KCTD16: variants seen among roughly 807,000 people sequenced by gnomAD.
The protein encoded by KCTD16 is BTB/POZ domain-containing protein KCTD16.
In KCTD16, 13 loss-of-function variants were observed where a neutral mutation model predicts 33.2. That is an observed-to-expected ratio of 0.39 (90% CI 0.25 to 0.62). The LOEUF is 0.62. Among genes scored for constraint, KCTD16 ranks in the 20% least tolerant of loss-of-function variants. The pLI is 0.50. For missense variants in KCTD16, 441 were observed against 525.1 expected, an observed-to-expected ratio of 0.84 and a Z score of 1.57; for synonymous variants, 197 against 195.3, an observed-to-expected ratio of 1.01 and a Z score of -0.07.
chr5:144,394,487 A>G (rs760669725), intron 3 of KCTD16, among the ~76,000 whole-genome samples: 5 of 152,240 alleles, frequency 3.3e-5, no homozygotes, highest in Non-Finnish European at 5.9e-5. Context: ...ACTGGACATG[A>G]CTAATGACCC....
Position 144,480,689 on chromosome 5 carries a change from T to A in KCTD16, c.*6575T>A, listed in dbSNP as rs1754688316. On this transcript the variant is annotated 3_prime_UTR_variant, in exon 4 of 4. Coordinates refer to ENST00000512467, the MANE Select transcript of KCTD16 (RefSeq NM_020768.4). ...CCTGGAGATATTTTTTGTTTCATGATTTGAGGGGTGCTACTGACAATTAAT... is the reference window on the plus strand; with the variant it reads ...CCTGGAGATATTTTTTGTTTCATGAATTGAGGGGTGCTACTGACAATTAAT... 6.6e-6 allele frequency: 1 copy of A among 151,786 alleles called. No individual in the cohort carries two copies. Among genetic ancestry groups the A allele is most frequent in the South Asian group, 2.1e-4 (1 of 4,822 alleles). The allele number at this position is 151,786 out of a possible 1,614,324, so 9.4% of individuals were successfully genotyped here.
At chr5:144,441,676 T>G (rs1190635149) in intron 3 of KCTD16, among the ~76,000 whole-genome samples, 1 of 152,122 alleles carries the variant, frequency 6.6e-6, no homozygotes, top group African/African-American at 2.4e-5. Flanking sequence ...TTGTATTTAT[T>G]TATATGTCTA....
chr5:144,216,844 GAAAAAA>G lies in KCTD16; in HGVS notation c.832+9309_832+9314del, dbSNP rs374252586. ...AGGCCACAGAGGGAGACTCTGTCTG[GAAAAAA>G]AAAAAAAAAAGAAAAAGAGAGAGAG... On this transcript the variant is annotated intron_variant, in intron 3 of 3. Coordinates refer to ENST00000512467, the MANE Select transcript of KCTD16 (RefSeq NM_020768.4). Among the ~76,000 whole-genome samples the G allele has an allele frequency of 6.7e-3, 810 of 121,210 alleles. 4 individuals are homozygous for G. Among genetic ancestry groups the G allele is most frequent in the African/African-American group, 0.015 (479 of 31,786 alleles). The allele number at this position is 121,210 out of a possible 152,430, so 79.5% of individuals were successfully genotyped here.
intron 3 of KCTD16, among the ~76,000 whole-genome samples, chr5:144,267,418 A>C (rs1755174710): frequency 6.6e-6 from 1 of 152,182 alleles, no homozygotes; most frequent in Admixed American, 6.5e-5. Context: ...AGCACTTTAA[A>C]ATGCTGGTTG....
At chr5:144,239,422 TAGGCCCCAGAGACAGTTGCAA>T (rs1754341751) in intron 3 of KCTD16, among the ~76,000 whole-genome samples, 3 of 152,288 alleles carry the variant, frequency 2.0e-5, no homozygotes, top group African/African-American at 7.2e-5. Context: ...CCACATTACA[TAGGCCCCAGAGACAGTTGCAA>T]AGAATCTAAT....
At chr5:144,194,109 G>T (rs578255372) in intron 2 of KCTD16, among the ~76,000 whole-genome samples, 5 of 152,088 alleles carry the variant, frequency 3.3e-5, no homozygotes, top group African/African-American at 1.2e-4. Flanking sequence ...AGTGAAGATG[G>T]TTCACCGAGA....
Position 144,269,508 on chromosome 5 carries a change from G to A in KCTD16, c.832+61962G>A, listed in dbSNP as rs200669422. 2.0e-5 allele frequency among the ~76,000 whole-genome samples: 3 copies of A among 152,076 alleles called. No homozygotes were observed. The East Asian group carries it at 5.8e-4, about 29-fold the overall frequency. On this transcript the variant is annotated intron_variant, in intron 3 of 3. Transcript: ENST00000512467. ...TCTGGCAAAACTGTCCTTCAAAAGTGAGGGAAAAACCATTAATAATAAATT... is the reference window on the plus strand; with the variant it reads ...TCTGGCAAAACTGTCCTTCAAAAGTAAGGGAAAAACCATTAATAATAAATT...
chr5:144,337,136 G>A (rs1189945286), intron 3 of KCTD16, among the ~76,000 whole-genome samples: 1 of 151,634 alleles, frequency 6.6e-6, no homozygotes, highest in Non-Finnish European at 1.5e-5. Flanking sequence ...TCTTATTTAT[G>A]GTCTAACTTA....
chr5:144,272,203 C>G (rs896685299), intron 3 of KCTD16, among the ~76,000 whole-genome samples: 3 of 152,072 alleles, frequency 2.0e-5, no homozygotes, highest in Non-Finnish European at 4.4e-5. Flanking sequence ...GTGGGTGGAT[C>G]ACCTGAGGTC....
rs145586447 is a variant in KCTD16, at chr5:144,420,512, A to ATGTG, written c.833-53129_833-53126dup. Among the ~76,000 whole-genome samples, 1,478 of 149,826 alleles carry ATGTG rather than the reference A, an allele frequency of 9.9e-3. 17 individuals carry two copies. The highest frequency in any genetic ancestry group is 0.034 in the African/African-American group (1,386 of 40,992). On this transcript the variant is annotated intron_variant, in intron 3 of 3. Coordinates refer to ENST00000512467, the MANE Select transcript of KCTD16 (RefSeq NM_020768.4). ...TATGGGTCCAAAGTGACTTATTTAA[A>ATGTG]TGTGTGTGTGTGTGTGTGTGTGCAC...
intron 3 of KCTD16, among the ~76,000 whole-genome samples, chr5:144,387,930 A>T (rs565792534): frequency 6.7e-4 from 102 of 152,224 alleles, no homozygotes; most frequent in African/African-American, 2.4e-3. Context: ...CTAAGGACAC[A>T]ACTCTAGTAA....
intron 2 of KCTD16, among the ~76,000 whole-genome samples, chr5:144,197,704 AG>A (rs2126783778): frequency 6.6e-6 from 1 of 152,338 alleles, no homozygotes; most frequent in African/African-American, 2.4e-5. Context: ...GTAGTGAAAA[AG>A]GACCTCGGAA....
In KCTD16 at chr5:144,447,584, AG is replaced by A. The variant is rs775270575; in HGVS notation, c.833-26075del. 1.2e-3 allele frequency among the ~76,000 whole-genome samples: 185 copies of A among 152,206 alleles called. 1 individual carries two copies. The highest frequency in any genetic ancestry group is 1.6e-3 in the Non-Finnish European group (110 of 67,998). The stretch of plus-strand genomic sequence containing the variant: ...AAAAAAAGAAAAAAGAAAAAACAAA[AG>A]AAAATGCATGGAATTTACAGGAGGA... On this transcript the variant is annotated intron_variant, in intron 3 of 3. Coordinates refer to ENST00000512467, the MANE Select transcript of KCTD16 (RefSeq NM_020768.4).
chr5:144,318,164 ATC>A (rs1210731062), intron 3 of KCTD16, among the ~76,000 whole-genome samples: 3 of 152,128 alleles, frequency 2.0e-5, no homozygotes, highest in Non-Finnish European at 4.4e-5. Context: ...ATTCTTGCAA[ATC>A]TCTTTTTGTT....
At chr5:144,295,505 A>T (rs1756011832) in intron 3 of KCTD16, among the ~76,000 whole-genome samples, 2 of 152,174 alleles carry the variant, frequency 1.3e-5, no homozygotes, top group African/African-American at 4.8e-5. Flanking sequence ...TCTGGAGGGT[A>T]AATTACCTCT....
At chr5:144,403,049 T>C (rs1245105634) in intron 3 of KCTD16, among the ~76,000 whole-genome samples, 2 of 152,238 alleles carry the variant, frequency 1.3e-5, no homozygotes, top group East Asian at 3.9e-4. Context: ...TCTGCCTTTG[T>C]GGCTGAAAAG....
intron 3 of KCTD16, among the ~76,000 whole-genome samples, chr5:144,272,752 G>A (rs1168859213): frequency 6.6e-6 from 1 of 151,992 alleles, no homozygotes; most frequent in Non-Finnish European, 1.5e-5. Context: ...TTCAACAAAT[G>A]GTTCTGAGAA....
rs868861643 is a variant in KCTD16, at chr5:144,388,373, G to A, written c.833-85287G>A. 4.0e-4 allele frequency among the ~76,000 whole-genome samples: 61 copies of A among 152,140 alleles called. 1 individual carries two copies. The highest frequency in any genetic ancestry group is 6.8e-3 in the Middle Eastern group (2 of 294). On this transcript the variant is annotated intron_variant, in intron 3 of 3. Coordinates refer to ENST00000512467, the MANE Select transcript of KCTD16 (RefSeq NM_020768.4). Reference sequence around the variant, plus strand: ...TGGGATTACAGGCGTGAGCCACCGCGCCCGGCCTTAGAGCAAGTTTTTAAA... The same window carrying A: ...TGGGATTACAGGCGTGAGCCACCGCACCCGGCCTTAGAGCAAGTTTTTAAA...
At chr5:144,234,470 A>C (rs1349777135) in intron 3 of KCTD16, among the ~76,000 whole-genome samples, 5 of 152,266 alleles carry the variant, frequency 3.3e-5, no homozygotes, top group Non-Finnish European at 1.5e-5. Flanking sequence ...GTGTTGAATC[A>C]GTAAAGTAAT....
Sources: allele counts gnomAD v4.1 joint callset (sites outside exome capture counted in the v4.1 genomes callset), GRCh38; gene constraint gnomAD v4.1.1; transcripts MANE v1.5; gene names NCBI Gene and HGNC (gene_info 2026-07-23, HGNC 2026-07-21).